Variants in FAT3 observed in about 807,000 individuals in gnomAD.
The protein encoded by FAT3 is FAT atypical cadherin 3.
A neutral mutation model predicts 310.2 loss-of-function variants in FAT3; 95 were observed. The observed-to-expected ratio is 0.31, with a 90% CI of 0.26 to 0.36. The LOEUF is 0.36. FAT3 is among the 10% of genes least tolerant of loss of function. The pLI is 1.00. For missense variants in FAT3, 5,408 were observed against 5,715.6 expected (o/e 0.95, Z 1.74); for synonymous variants, 2,314 against 2,192.9 (o/e 1.06, Z -1.54).
intron 1 of FAT3, among the ~76,000 whole-genome samples, chr11:92,293,045 GAA>G (rs1946733436): frequency 7.0e-6 from 1 of 142,180 alleles, no homozygotes; most frequent in African/African-American, 2.8e-5. Flanking sequence ...AGGAAGGAAG[GAA>G]GGAAGGAAGG....
At chr11:92,573,462 A>C (rs1623581) in intron 3 of FAT3, among the ~76,000 whole-genome samples, 55,240 of 152,090 alleles carry the variant, frequency 0.36, 11,413 homozygotes, top group Middle Eastern at 0.53. Context: ...AGTGGCTTCA[A>C]AAAGATATGT....
Position 92,633,066 on chromosome 11 carries a change from T to C in FAT3, c.3608-64318T>C, listed in dbSNP as rs139697196. Among the ~76,000 whole-genome samples, 281 of 152,354 alleles carry C rather than the reference T, an allele frequency of 1.8e-3. 3 individuals carry two copies. The highest frequency in any genetic ancestry group is 6.4e-3 in the African/African-American group (265 of 41,596). ...TACTGTGTTTATTTGATAAGTGGTA[T>C]GTTCCTGGTTCTTGATTTTTCTTTT... On this transcript the variant is annotated intron_variant, in intron 3 of 27. Transcript: ENST00000525166.
intron 3 of FAT3, among the ~76,000 whole-genome samples, chr11:92,526,708 G>T (rs182605108): frequency 6.6e-6 from 1 of 152,202 alleles, no homozygotes; most frequent in Non-Finnish European, 1.5e-5. Flanking sequence ...TTTTCAGAAA[G>T]CCCTGTTTTA....
At chr11:92,272,708 T>A (rs1023146373) in intron 1 of FAT3, among the ~76,000 whole-genome samples, 1 of 151,844 alleles carries the variant, frequency 6.6e-6, no homozygotes, top group African/African-American at 2.4e-5. Flanking sequence ...CTGGGGAAAA[T>A]GTGCCCCAAA....
At chr11:92,242,594 C>T (rs972467069) in intron 1 of FAT3, among the ~76,000 whole-genome samples, 5 of 151,736 alleles carry the variant, frequency 3.3e-5, no homozygotes, top group Non-Finnish European at 5.9e-5. Context: ...TTCTTGACCT[C>T]AAGGAGTTTA....
rs551886395 is a variant in FAT3, at chr11:92,802,218, TAAC to T, written c.8896+313_8896+315del. Among the ~76,000 whole-genome samples the T allele has an allele frequency of 3.3e-3, 506 of 152,244 alleles. 2 individuals carry two copies. Among genetic ancestry groups the T allele is most frequent in the African/African-American group, 0.011 (471 of 41,532 alleles). On this transcript the variant is annotated intron_variant, in intron 10 of 27. Coordinates refer to ENST00000525166, the MANE Select transcript of FAT3 (RefSeq NM_001367949.2). ...AATATCTCAGTTGAAGGAATGAAAA[TAAC>T]AACTTTTTGGTGGAGAGGTTCTGTT...
chr11:92,621,872 C>T (rs937488097), intron 3 of FAT3, among the ~76,000 whole-genome samples: 2 of 152,108 alleles, frequency 1.3e-5, no homozygotes, highest in African/African-American at 4.8e-5. Context: ...TATCAGAAAC[C>T]CCTAGGATGC....
chr11:92,729,821 G>A (rs1410509190), intron 4 of FAT3, among the ~76,000 whole-genome samples: 1 of 151,872 alleles, frequency 6.6e-6, no homozygotes, highest in Non-Finnish European at 1.5e-5. Context: ...AAATTACGTT[G>A]AAATTTAATT....
At chr11:92,376,038 C>T (rs917739825) in intron 2 of FAT3, among the ~76,000 whole-genome samples, 16 of 152,134 alleles carry the variant, frequency 1.1e-4, no homozygotes, top group Admixed American at 5.2e-4. Flanking sequence ...TACATTAAAA[C>T]GCCAGATATT....
chr11:92,678,387 A>G (rs1943358410), intron 3 of FAT3, among the ~76,000 whole-genome samples: 2 of 152,120 alleles, frequency 1.3e-5, no homozygotes, highest in Admixed American at 1.3e-4. Flanking sequence ...ATTCAGTTCT[A>G]GGAACTCAGT....
intron 1 of FAT3, among the ~76,000 whole-genome samples, chr11:92,264,164 G>T (rs1227058285): frequency 2.0e-5 from 3 of 152,092 alleles, no homozygotes; most frequent in South Asian, 4.2e-4. Context: ...CTAATTTAAT[G>T]ATATAAATGA....
chr11:92,348,407 T>C (rs1042093196), intron 1 of FAT3, among the ~76,000 whole-genome samples: 7 of 152,334 alleles, frequency 4.6e-5, no homozygotes, highest in African/African-American at 1.7e-4. Flanking sequence ...TTTTGAATAG[T>C]TAAATTGAAT....
chr11:92,719,720 C>CTGTGTGTGTGTGTGTGTGTGTG (rs751825746), intron 4 of FAT3, among the ~76,000 whole-genome samples: 1 of 136,774 alleles, frequency 7.3e-6, no homozygotes, highest in Non-Finnish European at 1.6e-5. Flanking sequence ...AGAACCAACT[C>CTGTGTGTGTGTGTGTGTGTGTG]TGTGTGTGTG....
chr11:92,426,099 C>G (rs935310621), intron 2 of FAT3, among the ~76,000 whole-genome samples: 1 of 152,160 alleles, frequency 6.6e-6, no homozygotes, highest in African/African-American at 2.4e-5. Context: ...GATGGAATCT[C>G]ATTGTGGTTT....
intron 5 of FAT3, among the ~76,000 whole-genome samples, chr11:92,762,558 A>G (rs1946181520): frequency 6.6e-6 from 1 of 152,212 alleles, no homozygotes; most frequent in Non-Finnish European, 1.5e-5. Context: ...CATGTCCCCG[A>G]GACTTCCCAT....
chr11:92,251,717 T>G (rs1167446086), intron 1 of FAT3, among the ~76,000 whole-genome samples: 1 of 137,306 alleles, frequency 7.3e-6, no homozygotes, highest in Non-Finnish European at 1.6e-5. Flanking sequence ...ATAAGAAATT[T>G]GAGTGCCTAC....
At chr11:92,260,597 A>G (rs1865507899) in intron 1 of FAT3, among the ~76,000 whole-genome samples, 1 of 152,128 alleles carries the variant, frequency 6.6e-6, no homozygotes, top group Admixed American at 6.6e-5. Context: ...TCATCCAGGT[A>G]TGTTACAGGA....
At chr11:92,305,340 G>C (rs561025623) in intron 1 of FAT3, among the ~76,000 whole-genome samples, 17 of 152,168 alleles carry the variant, frequency 1.1e-4, no homozygotes, top group African/African-American at 3.4e-4. Context: ...TAGAATTCTA[G>C]TTAATAAATG....
intron 11 of FAT3, among the ~76,000 whole-genome samples, chr11:92,805,627 A>G (rs1282829218): frequency 6.6e-6 from 1 of 152,076 alleles, no homozygotes; most frequent in Non-Finnish European, 1.5e-5. Flanking sequence ...TAATTCATAA[A>G]GGACTTTAGG....
Sources: gnomAD v4.1 joint callset for allele counts (sites outside exome capture counted in the v4.1 genomes callset) on GRCh38, gnomAD v4.1.1 for gene constraint, MANE v1.5 for transcripts, NCBI Gene and HGNC (gene_info 2026-07-23, HGNC 2026-07-21) for gene names.